LGSN: variants seen among roughly 807,000 people sequenced by gnomAD.
The protein encoded by LGSN is lengsin, lens protein with glutamine synthetase domain, also known as lengsin.
LGSN carries 21 observed loss-of-function variants against 19.5 expected under a neutral mutation model. The ratio of observed to expected loss-of-function variants is 1.07; its 90% CI spans 0.76 to 1.55. The LOEUF (loss-of-function observed/expected upper bound fraction) is 1.55, where lower values mean the gene tolerates loss of function less well. LGSN is among the 40% of genes most tolerant of loss of function. LGSN has a pLI of 0.00. For synonymous variants in LGSN, 257 were observed against 215.6 expected (o/e 1.19, Z -1.68); for missense variants, 673 against 608.5 (o/e 1.11, Z -1.12).
upstream of LGSN, among the ~76,000 whole-genome samples, chr6:63,322,932 C>T (rs72875124): frequency 0.052 from 7,876 of 152,214 alleles, 281 homozygotes; most frequent in Non-Finnish European, 0.083. Context: ...TCATCTGCCC[C>T]TTCGATAAAC....
chr6:63,288,535 C>G (rs1767638391), intron 2 of LGSN, among the ~76,000 whole-genome samples: 1 of 151,748 alleles, frequency 6.6e-6, no homozygotes, highest in Non-Finnish European at 1.5e-5. Flanking sequence ...CAGCTCTAAC[C>G]CTTGATTAAT....
chr6:63,467,200 T>C, the LGSN span, among the ~76,000 whole-genome samples: 2 of 152,286 alleles, frequency 1.3e-5, no homozygotes, highest in South Asian at 4.1e-4. Flanking sequence ...CTTTATTTCT[T>C]TGTAATCTGT....
the LGSN span, among the ~76,000 whole-genome samples, chr6:63,559,653 G>A: frequency 2.0e-5 from 3 of 152,192 alleles, no homozygotes; most frequent in Non-Finnish European, 4.4e-5. Context: ...GCTGAGGCAG[G>A]AGAATCACTG....
chr6:63,441,936 G>GGACCCTCGCGGTGAGT, the LGSN span: 1 of 233,362 alleles, frequency 4.3e-6, no homozygotes, highest in Non-Finnish European at 8.4e-6. Context: ...ATGAAGCTGC[G>GGACCCTCGCGGTGAGT]GACCCTCGCG....
chr6:63,452,142 G>C, the LGSN span, among the ~76,000 whole-genome samples: 1 of 151,306 alleles, frequency 6.6e-6, no homozygotes, highest in Non-Finnish European at 1.5e-5. Context: ...TTATTTTCCG[G>C]AAGAGTTTGT....
At chr6:63,439,002 C>T in the LGSN span, among the ~76,000 whole-genome samples, 3 of 152,188 alleles carry the variant, frequency 2.0e-5, no homozygotes, top group Non-Finnish European at 2.9e-5. Flanking sequence ...GGCACATATA[C>T]ACCATGGAAT....
At chr6:63,510,284 C>A in the LGSN span, among the ~76,000 whole-genome samples, 3 of 152,078 alleles carry the variant, frequency 2.0e-5, no homozygotes, top group Admixed American at 6.6e-5. Context: ...AGTTCCACCT[C>A]ATCTGCACTT....
intron 1 of LGSN, among the ~76,000 whole-genome samples, chr6:63,299,609 TG>T (rs1405251823): frequency 1.3e-5 from 2 of 152,168 alleles, no homozygotes; most frequent in African/African-American, 4.8e-5. Flanking sequence ...TAGTCTGAAT[TG>T]GGGGAAAGAA....
the LGSN span, among the ~76,000 whole-genome samples, chr6:63,506,265 T>C: frequency 2.1e-5 from 3 of 144,046 alleles, no homozygotes; most frequent in Admixed American, 2.0e-4. Flanking sequence ...GTTGTTGTTG[T>C]TGTTGTTGTT....
the LGSN span, among the ~76,000 whole-genome samples, chr6:63,341,586 C>T: frequency 6.6e-6 from 1 of 152,068 alleles, no homozygotes; most frequent in Non-Finnish European, 1.5e-5. Context: ...GTGTGCTAGT[C>T]CACCTGTTCC....
At chr6:63,559,866 ATCC>A in the LGSN span, among the ~76,000 whole-genome samples, 1 of 152,284 alleles carries the variant, frequency 6.6e-6, no homozygotes, top group Non-Finnish European at 1.5e-5. Flanking sequence ...GGCTCAAACA[ATCC>A]TCCTGCCTTG....
chr6:63,332,347 G>A, the LGSN span, among the ~76,000 whole-genome samples: 1 of 152,142 alleles, frequency 6.6e-6, no homozygotes, highest in African/African-American at 2.4e-5. Context: ...TGTCTGGCAG[G>A]CATTGGGACC....
At chr6:63,313,653 A>T (rs1207496290) in intron 1 of LGSN, among the ~76,000 whole-genome samples, 1 of 151,848 alleles carries the variant, frequency 6.6e-6, no homozygotes, top group Non-Finnish European at 1.5e-5. Flanking sequence ...TGGCCAACAT[A>T]ACAAGACCCC....
At chr6:63,447,249 G>A in the LGSN span, among the ~76,000 whole-genome samples, 1 of 152,142 alleles carries the variant, frequency 6.6e-6, no homozygotes, top group Non-Finnish European at 1.5e-5. Flanking sequence ...GTGAGGGCTG[G>A]CATGTCTCTA....
chr6:63,569,582 ATTCTTCTAGTCTTAT>A, the LGSN span, among the ~76,000 whole-genome samples: 1 of 152,166 alleles, frequency 6.6e-6, no homozygotes, highest in Non-Finnish European at 1.5e-5. Flanking sequence ...TCCTTATAAT[ATTCTTCTAGTCTTAT>A]TTCCCAACTG....
the LGSN span, among the ~76,000 whole-genome samples, chr6:63,452,653 T>TTCTCTCTCTCTCTC: frequency 2.0e-5 from 3 of 147,964 alleles, 1 homozygote; most frequent in South Asian, 4.3e-4. Context: ...TATGTTATCT[T>TTCTCTCTCTCTCTC]TCTCTCTCTC....
the LGSN span, among the ~76,000 whole-genome samples, chr6:63,339,996 TCTC>T: frequency 2.0e-5 from 3 of 152,120 alleles, no homozygotes; most frequent in South Asian, 2.1e-4. Context: ...AGACTTTACT[TCTC>T]CTCATTTTCT....
At chr6:63,379,291 G>T in the LGSN span, among the ~76,000 whole-genome samples, 2 of 152,124 alleles carry the variant, frequency 1.3e-5, no homozygotes, top group African/African-American at 4.8e-5. Flanking sequence ...AAGAGAAGGG[G>T]ATACCATGAG....
chr6:63,359,347 T>A, the LGSN span, among the ~76,000 whole-genome samples: 18 of 152,324 alleles, frequency 1.2e-4, no homozygotes, highest in African/African-American at 3.4e-4. Context: ...GCTGGCCTCA[T>A]AAAATGAGTT....
Sources: allele counts gnomAD v4.1 joint callset (sites outside exome capture counted in the v4.1 genomes callset), GRCh38; gene constraint gnomAD v4.1.1; transcripts MANE v1.5; gene names NCBI Gene and HGNC (gene_info 2026-07-23, HGNC 2026-07-21).